FGF13: variants seen among roughly 807,000 people sequenced by gnomAD.
FGF13 encodes fibroblast growth factor homologous factor 2.
Under a neutral mutation model 19.5 loss-of-function variants are expected in FGF13, and 2 were observed. That is an observed-to-expected ratio of 0.10 (90% CI 0.04 to 0.32). The LOEUF (loss-of-function observed/expected upper bound fraction) is 0.32, where lower values mean the gene tolerates loss of function less well. FGF13 is among the 10% of genes least tolerant of loss of function. The pLI is 1.00. For synonymous variants in FGF13, 72 were observed against 76.9 expected (o/e 0.94, Z 0.33); for missense variants, 113 against 192.7 (o/e 0.59, Z 2.45).
intron 3 of FGF13, among the ~76,000 whole-genome samples, chrX:138,775,613 A>G (rs2090581755): frequency 8.9e-6 from 1 of 111,963 alleles, no homozygotes; most frequent in Non-Finnish European, 1.9e-5. Flanking sequence ...TTTCTTGCAG[A>G]CCAGGACTCG....
chrX:138,773,741 G>A (rs1037553673), intron 3 of FGF13, among the ~76,000 whole-genome samples: 1 of 111,296 alleles, frequency 9.0e-6, no homozygotes, highest in African/African-American at 3.3e-5. Context: ...TTTCAAGGAG[G>A]GGTGATTTTA....
intron 1 of FGF13, among the ~76,000 whole-genome samples, chrX:139,131,797 T>C (rs2083764440): frequency 9.0e-6 from 1 of 111,710 alleles, no homozygotes; most frequent in Non-Finnish European, 1.9e-5. Context: ...TCTATTAATC[T>C]ATTGGAGCCA....
At position 138,621,070 on chromosome X, in the gene FGF13, G is replaced by T. The variant is rs1288881611; in HGVS notation, c.*11780C>A. 9.0e-6 allele frequency: 1 copy of T among 111,692 alleles called. No individual in the cohort carries two copies. Among genetic ancestry groups the T allele is most frequent in the Non-Finnish European group, 1.9e-5 (1 of 53,117 alleles). The allele number at this position is 111,692 out of a possible 1,213,427, so 9.2% of individuals were successfully genotyped here. ...GATACCCAGCTTTCAACAATGGACA[G>T]ATCACCCAGACAGAAAATCAATAGG... On this transcript the variant is annotated 3_prime_UTR_variant, in exon 5 of 5. Coordinates refer to ENST00000315930, the MANE Select transcript of FGF13 (RefSeq NM_004114.5).
chrX:138,949,589 T>C (rs2091799645), intron 1 of FGF13, among the ~76,000 whole-genome samples: 1 of 111,860 alleles, frequency 8.9e-6, no homozygotes, highest in Non-Finnish European at 1.9e-5. Flanking sequence ...CCAAATAAGA[T>C]CACATGCTGG....
At chrX:138,879,154 C>A (rs2091408658) in intron 1 of FGF13, among the ~76,000 whole-genome samples, 1 of 111,424 alleles carries the variant, frequency 9.0e-6, no homozygotes, top group African/African-American at 3.3e-5. Flanking sequence ...TCTTATTGGA[C>A]ATTTGTATAT....
At chrX:138,803,153 G>C (rs1219754896) in intron 3 of FGF13, among the ~76,000 whole-genome samples, 1 of 111,674 alleles carries the variant, frequency 9.0e-6, no homozygotes, top group Non-Finnish European at 1.9e-5. Context: ...TCTTATTATA[G>C]TGTATCTATC....
At chrX:139,100,818 A>T (rs1324582630) in intron 1 of FGF13, among the ~76,000 whole-genome samples, 1 of 111,134 alleles carries the variant, frequency 9.0e-6, no homozygotes. Context: ...TAACAGGGAA[A>T]GCGGGATCAC....
rs2089017934 is a variant in FGF13 at position 138,621,845 on chromosome X, A to C, written c.*11005T>G. 1 of 111,364 alleles carries C rather than the reference A, an allele frequency of 9.0e-6. No homozygotes were observed. Among genetic ancestry groups the C allele is most frequent in the Admixed American group, 9.6e-5 (1 of 10,443 alleles). 9.2% of individuals were successfully genotyped at this position (111,364 alleles called of 1,213,427 possible). A position where few individuals can be genotyped will look rare whatever the true frequency, so the allele number is the denominator to read the frequency against. On this transcript the variant is annotated 3_prime_UTR_variant, in exon 5 of 5. Coordinates refer to ENST00000315930, the MANE Select transcript of FGF13 (RefSeq NM_004114.5). ...ATACACAAGTTGGGTAATCTAGAAG[A>C]AACAGATAAATTTCTAGAAACATAC...
intron 1 of FGF13, among the ~76,000 whole-genome samples, chrX:139,126,496 T>C (rs1171438827): frequency 8.9e-6 from 1 of 111,785 alleles, no homozygotes; most frequent in Non-Finnish European, 1.9e-5. Context: ...GGATGGCTCA[T>C]TCATCTGTGG....
intron 1 of FGF13, among the ~76,000 whole-genome samples, chrX:138,992,954 A>G (rs2092023903): frequency 8.9e-6 from 1 of 112,150 alleles, no homozygotes; most frequent in African/African-American, 3.2e-5. Flanking sequence ...ACCAGTAAGG[A>G]GACATAGAGA....
intron 1 of FGF13, among the ~76,000 whole-genome samples, chrX:139,062,952 G>A (rs1419446280): frequency 2.7e-5 from 3 of 112,012 alleles, no homozygotes; most frequent in Non-Finnish European, 5.6e-5. Flanking sequence ...CTATGACTGA[G>A]GGATATTCTC....
intron 3 of FGF13, among the ~76,000 whole-genome samples, chrX:138,816,771 T>A (rs1195550276): frequency 8.9e-5 from 10 of 112,127 alleles, no homozygotes; most frequent in East Asian, 2.8e-4. Context: ...GCAATTTTTT[T>A]AAACCTCATC....
At chrX:138,981,376 G>T (rs768068707) in intron 1 of FGF13, among the ~76,000 whole-genome samples, 2 of 108,874 alleles carry the variant, frequency 1.8e-5, no homozygotes, top group East Asian at 5.8e-4. Flanking sequence ...CAAGGGAGGA[G>T]GGTTATCCTG....
chrX:138,905,110 T>A (rs965153322), intron 1 of FGF13, among the ~76,000 whole-genome samples: 3 of 111,198 alleles, frequency 2.7e-5, no homozygotes, highest in Non-Finnish European at 5.7e-5. Flanking sequence ...CAGATTGGGT[T>A]GAGTGGCGTA....
chrX:139,036,209 T>C (rs140161109), intron 1 of FGF13, among the ~76,000 whole-genome samples: 148 of 111,542 alleles, frequency 1.3e-3, no homozygotes, highest in African/African-American at 4.7e-3. Flanking sequence ...TTCCAAATGT[T>C]ATAATCTACT....
At chrX:138,836,785 T>A (rs780440403) in intron 3 of FGF13, among the ~76,000 whole-genome samples, 33 of 112,305 alleles carry the variant, frequency 2.9e-4, no homozygotes, top group African/African-American at 1.0e-3. Flanking sequence ...TCTAGCTTTT[T>A]GAGGTTTCAG....
At chrX:138,906,622 G>A (rs767759504) in intron 1 of FGF13, among the ~76,000 whole-genome samples, 1 of 112,143 alleles carries the variant, frequency 8.9e-6, no homozygotes, top group Non-Finnish European at 1.9e-5. Flanking sequence ...ATCGGCAAGC[G>A]TTACTTTTAA....
intron 3 of FGF13, among the ~76,000 whole-genome samples, chrX:138,826,161 A>G (rs2091033170): frequency 8.9e-6 from 1 of 111,902 alleles, no homozygotes; most frequent in Non-Finnish European, 1.9e-5. Context: ...CATTACATCT[A>G]TCCTTTCTGA....
At position 138,711,648 on chromosome X, in the gene FGF13, C is replaced by T. The variant is rs931764641; in HGVS notation, c.-645G>A. On this transcript the variant is annotated 5_prime_UTR_variant, in exon 1 of 5. Transcript: ENST00000315930. ...TGGCCTCGCATCTTCGCTGTTGCTG[C>T]TGCTCTGGGCGCGGCACAGTCGCAG... 1.5e-5 allele frequency: 11 copies of T among 753,521 alleles called. No homozygotes were observed. The highest frequency in any genetic ancestry group is 1.7e-5 in the Non-Finnish European group (11 of 638,851). The allele number at this position is 753,521 out of a possible 1,213,427, so 62.1% of individuals were successfully genotyped here. A position where few individuals can be genotyped will look rare whatever the true frequency, so the allele number is the denominator to read the frequency against.
Sources: allele counts gnomAD v4.1 joint callset (sites outside exome capture counted in the v4.1 genomes callset), GRCh38; gene constraint gnomAD v4.1.1; transcripts MANE v1.5; gene names NCBI Gene and HGNC (gene_info 2026-07-23, HGNC 2026-07-21).